Variants in AGBL3 observed in about 807,000 individuals in gnomAD.
The protein encoded by AGBL3 is cytosolic carboxypeptidase 3.
In AGBL3, 68 loss-of-function variants were observed where a neutral mutation model predicts 94.5. The ratio of observed to expected loss-of-function variants is 0.72; its 90% CI spans 0.59 to 0.88. AGBL3 has a LOEUF of 0.88. Among genes scored for constraint, AGBL3 ranks in the 40% least tolerant of loss-of-function variants. AGBL3 has a pLI of 0.00. For missense variants in AGBL3, 934 were observed against 1,103.8 expected, an observed-to-expected ratio of 0.85 and a Z score of 2.18; for synonymous variants, 354 against 370.7, an observed-to-expected ratio of 0.95 and a Z score of 0.52.
At chr7:135,110,165 A>T (rs1056260887) in intron 15 of AGBL3, among the ~76,000 whole-genome samples, 3 of 151,960 alleles carry the variant, frequency 2.0e-5, no homozygotes, top group Admixed American at 6.5e-5. Context: ...GTTCCAAGCC[A>T]GTCCCTCTGG....
intron 1 of AGBL3, among the ~76,000 whole-genome samples, chr7:134,987,237 G>T (rs534695363): frequency 6.6e-6 from 1 of 152,252 alleles, no homozygotes; most frequent in East Asian, 1.9e-4. Context: ...TGAAATTGTC[G>T]AGTCCTTTGG....
Position 135,045,900 on chromosome 7 carries a change from T to C in AGBL3, c.1830T>C (p.Asp610=). The part of the protein sequence containing the change: ...SDTPVIDITL[D]VESSSRGSDS... ...CACCTGTGATAGACATTACATTGGA[T>C]GTAGAGTCTAGGTAACTCAAGGCTG... The change falls in exon 11 of 17, where the codon GAT becomes GAC. Residue 610 remains aspartate, a synonymous_variant. Transcript: ENST00000436302. The C allele has an allele frequency of 1.3e-6, 2 of 1,546,008 alleles. No individual in the cohort carries two copies. The highest frequency in any genetic ancestry group is 2.4e-5 in the East Asian group (1 of 40,846).
intron 11 of AGBL3, among the ~76,000 whole-genome samples, chr7:135,049,209 G>T (rs189474163): frequency 6.6e-6 from 1 of 151,876 alleles, no homozygotes; most frequent in Admixed American, 6.6e-5. Context: ...TATTCTGTTT[G>T]TATGGTTTAT....
intron 15 of AGBL3, among the ~76,000 whole-genome samples, chr7:135,090,828 G>A (rs992587519): frequency 1.3e-5 from 2 of 152,136 alleles, no homozygotes; most frequent in African/African-American, 4.8e-5. Flanking sequence ...GTTTGAGGAT[G>A]TTGGACCACC....
intron 11 of AGBL3, among the ~76,000 whole-genome samples, chr7:135,053,965 T>C (rs2116642901): frequency 6.6e-6 from 1 of 152,328 alleles, no homozygotes; most frequent in South Asian, 2.1e-4. Context: ...AAGGCTGATA[T>C]GAACAACAGT....
intron 16 of AGBL3, among the ~76,000 whole-genome samples, chr7:135,129,969 A>G (rs1490070931): frequency 1.3e-5 from 2 of 152,212 alleles, no homozygotes; most frequent in African/African-American, 4.8e-5. Flanking sequence ...GAATAGTTAA[A>G]AATTAAATAT....
chr7:135,109,457 TG>T (rs35025790), intron 15 of AGBL3, among the ~76,000 whole-genome samples: 66,768 of 151,550 alleles, frequency 0.44, 15,301 homozygotes, highest in East Asian at 0.77. Context: ...AGATACAGGA[TG>T]GGGGCCCACA....
At chr7:135,122,072 T>C (rs1827217678) in intron 16 of AGBL3, among the ~76,000 whole-genome samples, 1 of 152,126 alleles carries the variant, frequency 6.6e-6, no homozygotes, top group Non-Finnish European at 1.5e-5. Flanking sequence ...GTCTAAGCCG[T>C]TTGAGTTCCT....
At chr7:135,037,321 T>G in intron 7 of AGBL3, 97 bp from the exon 8 acceptor site, 1 of 1,015,440 alleles carries the variant, frequency 9.8e-7, no homozygotes. Context: ...TATAAGAAAT[T>G]GTATTTATTT....
chr7:135,070,554 T>G (rs1383274557), intron 12 of AGBL3, among the ~76,000 whole-genome samples: 3 of 152,182 alleles, frequency 2.0e-5, no homozygotes, highest in Non-Finnish European at 4.4e-5. Context: ...ATCCCTGGGA[T>G]GCAAGGCTGG....
At chr7:135,092,730 A>C (rs1345063422) in intron 15 of AGBL3, 1 of 152,146 alleles carries the variant, frequency 6.6e-6, no homozygotes, top group Non-Finnish European at 1.5e-5. Flanking sequence ...AAATAAATTG[A>C]ACTTTTTTTT....
chr7:135,070,138 A>G (rs1819745104), intron 12 of AGBL3, among the ~76,000 whole-genome samples: 1 of 152,222 alleles, frequency 6.6e-6, no homozygotes, highest in Non-Finnish European at 1.5e-5. Flanking sequence ...AAATGGATAA[A>G]TTCCTCGACA....
At chr7:135,007,485 T>C (rs1485214854) in intron 4 of AGBL3, among the ~76,000 whole-genome samples, 1 of 151,896 alleles carries the variant, frequency 6.6e-6, no homozygotes, top group Admixed American at 6.6e-5. Flanking sequence ...TCCTACACCC[T>C]TTCATGACAA....
chr7:135,088,798 G>T (rs1466178419), intron 15 of AGBL3, among the ~76,000 whole-genome samples: 1 of 152,136 alleles, frequency 6.6e-6, no homozygotes, highest in Non-Finnish European at 1.5e-5. Flanking sequence ...GCTGTTTGTA[G>T]AATTCTTTGT....
chr7:135,118,748 A>C (rs368386415), intron 16 of AGBL3, among the ~76,000 whole-genome samples: 3 of 152,188 alleles, frequency 2.0e-5, no homozygotes, highest in African/African-American at 7.2e-5. Context: ...CATAATTAAA[A>C]TGCTTCAAAA....
intron 15 of AGBL3, among the ~76,000 whole-genome samples, chr7:135,106,447 C>G (rs1359083744): frequency 6.6e-6 from 1 of 152,112 alleles, no homozygotes; most frequent in African/African-American, 2.4e-5. Flanking sequence ...TTATCAAAAG[C>G]CTTTTCTGCA....
chr7:135,070,928 G>T (rs867175553), intron 12 of AGBL3, among the ~76,000 whole-genome samples: 2 of 152,030 alleles, frequency 1.3e-5, no homozygotes, highest in South Asian at 4.2e-4. Context: ...AAAAGAGGAA[G>T]TCAAATTGTC....
intron 6 of AGBL3, among the ~76,000 whole-genome samples, chr7:135,033,692 AT>A (rs1193345619): frequency 6.6e-6 from 1 of 152,158 alleles, no homozygotes; most frequent in African/African-American, 2.4e-5. Context: ...AAATTATGTA[AT>A]CTATGTGATC....
At chr7:135,119,884 A>T (rs2117231634) in intron 16 of AGBL3, among the ~76,000 whole-genome samples, 1 of 152,310 alleles carries the variant, frequency 6.6e-6, no homozygotes, top group East Asian at 1.9e-4. Context: ...CTCAAAAAAT[A>T]AAAAAAGAAA....
Sources: allele counts gnomAD v4.1 joint callset (sites outside exome capture counted in the v4.1 genomes callset), GRCh38; gene constraint gnomAD v4.1.1; transcripts MANE v1.5; gene names NCBI Gene and HGNC (gene_info 2026-07-23, HGNC 2026-07-21).